The following EFHC1 variants were observed in gnomAD, a reference collection of about 807,000 sequenced individuals.
The protein encoded by EFHC1 is EF-hand domain-containing protein 1.
In EFHC1, 53 loss-of-function variants were observed where a neutral mutation model predicts 69.9. The observed-to-expected ratio is 0.76, with a 90% CI of 0.61 to 0.95. The LOEUF (loss-of-function observed/expected upper bound fraction) is 0.95. Among genes scored for constraint, EFHC1 ranks in the 40% least tolerant of loss-of-function variants. EFHC1 has a pLI of 0.00. For missense variants in EFHC1, 739 were observed against 798.7 expected, an observed-to-expected ratio of 0.93 and a Z score of 0.90; for synonymous variants, 256 against 278.4, an observed-to-expected ratio of 0.92 and a Z score of 0.80.
At chr6:52,430,115 T>C (rs1000318518) in intron 2 of EFHC1, 1 of 152,062 alleles carries the variant, frequency 6.6e-6, no homozygotes, top group Non-Finnish European at 1.5e-5. Flanking sequence ...TCTGGAGGAG[T>C]CTTTAGGATT....
intron 10 of EFHC1, 70 bp from the exon 11 acceptor site, chr6:52,492,200 C>T (rs531845590): frequency 3.7e-6 from 5 of 1,340,882 alleles, no homozygotes; most frequent in South Asian, 2.4e-5. Context: ...TATGCATAAG[C>T]GCACTCTGCA....
intron 3 of EFHC1, among the ~76,000 whole-genome samples, chr6:52,446,205 G>T (rs1488074120): frequency 6.6e-6 from 1 of 152,152 alleles, no homozygotes; most frequent in Non-Finnish European, 1.5e-5. Flanking sequence ...AAGTCTCTTT[G>T]TATGTCACTA....
At position 52,480,684 on chromosome 6, in the gene EFHC1, G is replaced by A. The variant is rs559459505; in HGVS notation, c.1640+897G>A. 1.4e-4 allele frequency among the ~76,000 whole-genome samples: 21 copies of A among 152,252 alleles called. No homozygotes were observed. The East Asian group carries it at 4.0e-3, about 29-fold the overall frequency. ...GAGGTGACAATGAACAAACACTTGA[G>A]GGGAGTTAGCTGGGTGGATTTCTGG... On this transcript the variant is annotated intron_variant, in intron 9 of 10. Transcript: ENST00000371068.
chr6:52,450,268 AACGTAT>A (rs1014747951), intron 3 of EFHC1, among the ~76,000 whole-genome samples: 10 of 152,222 alleles, frequency 6.6e-5, no homozygotes, highest in Non-Finnish European at 1.5e-4. Flanking sequence ...TGATGAGAAT[AACGTAT>A]ACTCTGTTGT....
intron 4 of EFHC1, 171 bp from the exon 5 acceptor site, chr6:52,453,924 A>T: frequency 6.7e-7 from 1 of 1,483,198 alleles, no homozygotes; most frequent in Non-Finnish European, 9.0e-7. Context: ...ATAATTTCAG[A>T]TGTTTTAGTA....
intron 2 of EFHC1, among the ~76,000 whole-genome samples, chr6:52,433,002 A>G (rs1451467971): frequency 6.6e-6 from 1 of 151,722 alleles, no homozygotes; most frequent in East Asian, 1.9e-4. Flanking sequence ...AGCAGTTTGC[A>G]TTTCTATAAG....
Position 52,494,316 on chromosome 6 carries a change from C to T in EFHC1, c.*1975C>T. 1 of 454,122 alleles carries T rather than the reference C, an allele frequency of 2.2e-6. No individual in the cohort carries two copies. Among genetic ancestry groups the T allele is most frequent in the Non-Finnish European group, 4.4e-6 (1 of 226,788 alleles). The allele number at this position is 454,122 out of a possible 1,614,324, so 28.1% of individuals were successfully genotyped here. A position where few individuals can be genotyped will look rare whatever the true frequency, so the allele number is the denominator to read the frequency against. On this transcript the variant is annotated 3_prime_UTR_variant, in exon 11 of 11. Transcript: ENST00000371068. ...ACTTGGCCCAGCTCAGTCCTTCCCC[C>T]AGGCTTAGAAGCCTGTGGTAAAGAG...
intron 2 of EFHC1, among the ~76,000 whole-genome samples, chr6:52,426,256 C>A (rs1330607482): frequency 6.6e-6 from 1 of 152,172 alleles, no homozygotes; most frequent in African/African-American, 2.4e-5. Flanking sequence ...CCAGTGCTGT[C>A]CTTTTACCAG....
At chr6:52,478,988 T>G (rs771676917) in intron 7 of EFHC1, 49 bp from the exon 8 acceptor site, 2 of 1,580,880 alleles carry the variant, frequency 1.3e-6, no homozygotes, top group Middle Eastern at 2.2e-4. Flanking sequence ...TTGGCACATC[T>G]GCATAGACCA....
intron 7 of EFHC1, among the ~76,000 whole-genome samples, chr6:52,476,810 G>A (rs1215425644): frequency 6.6e-6 from 1 of 152,200 alleles, no homozygotes; most frequent in East Asian, 1.9e-4. Flanking sequence ...TAAATGCAAT[G>A]TGGGATCCTG....
Position 52,495,820 on chromosome 6 carries a change from T to C in EFHC1, c.*3479T>C. The C allele has an allele frequency of 5.7e-6, 2 of 352,326 alleles. No individual in the cohort carries two copies. The highest frequency in any genetic ancestry group is 1.1e-5 in the Non-Finnish European group (2 of 179,644). 21.8% of individuals were successfully genotyped at this position (352,326 alleles called of 1,614,324 possible). ...CCACTTCTTGCCTTGCATCTCCTTT[T>C]AAGTTTACTTAAGACTGAGAAGCTG... On this transcript the variant is annotated 3_prime_UTR_variant, in exon 11 of 11. Coordinates refer to ENST00000371068, the MANE Select transcript of EFHC1 (RefSeq NM_018100.4).
In EFHC1 at chr6:52,453,979, A is replaced by G. The variant is rs756211389; in HGVS notation, c.724-116A>G. On this transcript the variant is annotated intron_variant, in intron 4 of 10. Coordinates refer to ENST00000371068, the MANE Select transcript of EFHC1 (RefSeq NM_018100.4). ...TTTTTTTCAATTTACCCCATCTGAA[A>G]TTACTTCATAGTCTTTCCAGCTAGT... 8 of 1,580,336 alleles carry G rather than the reference A, an allele frequency of 5.1e-6. No homozygotes were observed. The East Asian group carries it at 1.6e-4, about 32-fold the overall frequency.
chr6:52,424,166 A>C lies in EFHC1; in HGVS notation c.284A>C (p.Lys95Thr). 4 of 1,613,804 alleles carry C rather than the reference A, an allele frequency of 2.5e-6. No individual in the cohort carries two copies. The highest frequency in any genetic ancestry group is 3.4e-6 in the Non-Finnish European group (4 of 1,179,820). ...FIPAHVAFDK[K>T]VLKFDAYFQE... is the part of the protein sequence containing the mutation. ...CCTGCGCATGTGGCCTTTGACAAAA[A>C]GGTATCATCTGGAATTTTAGGGTAC... The change falls in exon 2 of 11, where the codon AAG (lysine) becomes ACG (threonine). Residue 95 changes from lysine (K) to threonine (T), a missense_variant and splice_region_variant. Lys to Thr is a moderately conservative substitution (Grantham distance 78). Transcript: ENST00000371068.
At chr6:52,423,787 C>G in intron 1 of EFHC1, 159 bp from the exon 2 acceptor site, 1 of 1,528,856 alleles carries the variant, frequency 6.5e-7, no homozygotes, top group Non-Finnish European at 8.7e-7. Flanking sequence ...ATTATAGGCA[C>G]GAGCCACCAT....
chr6:52,493,214 C>T lies in EFHC1; in HGVS notation c.*873C>T, dbSNP rs1318309274. On this transcript the variant is annotated 3_prime_UTR_variant, in exon 11 of 11. Coordinates refer to ENST00000371068, the MANE Select transcript of EFHC1 (RefSeq NM_018100.4). ...AGACTGGACCTAAACCATCAGCTCT[C>T]CTAAGTCATAGGCCTTTGGATTCAG... The T allele has an allele frequency of 4.4e-6, 2 of 453,386 alleles. No individual in the cohort carries two copies. The highest frequency in any genetic ancestry group is 2.0e-5 in the African/African-American group (1 of 49,764). The allele number at this position is 453,386 out of a possible 1,614,324, so 28.1% of individuals were successfully genotyped here.
chr6:52,429,930 G>A (rs1411493911), intron 2 of EFHC1: 1 of 151,926 alleles, frequency 6.6e-6, no homozygotes, highest in Non-Finnish European at 1.5e-5. Flanking sequence ...CCTTGGTTAT[G>A]TATATTTCTA....
intron 3 of EFHC1, among the ~76,000 whole-genome samples, chr6:52,444,079 GCTCT>G (rs974386663): frequency 3.4e-4 from 51 of 152,212 alleles, no homozygotes; most frequent in African/African-American, 1.1e-3. Context: ...TCATGATTTG[GCTCT>G]CTGTTTGTCT....
rs1562442175 is a variant in EFHC1 at position 52,424,054 on chromosome 6, T to G, written c.172T>G (p.Ser58Ala). The G allele has an allele frequency of 3.7e-6, 6 of 1,614,128 alleles. No homozygotes were observed. Among genetic ancestry groups the G allele is most frequent in the Non-Finnish European group, 4.2e-6 (5 of 1,180,026 alleles). The change falls in exon 2 of 11, where the codon TCC becomes GCC. Residue 58 changes from serine to alanine, a missense_variant. Transcript: ENST00000371068. ...AGACCGGCTCCAGTTCAACCAGCTG[T>G]CCCAGGCTGAGCTGGATGAGTTGGC... ...GGDRLQFNQLSQAELDELASK... is the reference protein window; with the variant it reads ...GGDRLQFNQLAQAELDELASK...
In EFHC1 at chr6:52,492,977, G is replaced by A; in HGVS notation, c.*636G>A. The A allele has an allele frequency of 2.2e-6, 1 of 454,072 alleles. No homozygotes were observed. 28.1% of individuals were successfully genotyped at this position (454,072 alleles called of 1,614,324 possible). A position where few individuals can be genotyped will look rare whatever the true frequency, so the allele number is the denominator to read the frequency against. On this transcript the variant is annotated 3_prime_UTR_variant, in exon 11 of 11. Coordinates refer to ENST00000371068, the MANE Select transcript of EFHC1 (RefSeq NM_018100.4). ...GTATTTTTCGATGAGATAAACATTT[G>A]AATCAGAAGACTAAGTAAAACAGAT...
Sources: allele counts gnomAD v4.1 joint callset (sites outside exome capture counted in the v4.1 genomes callset), GRCh38; gene constraint gnomAD v4.1.1; transcripts MANE v1.5; gene names NCBI Gene and HGNC (gene_info 2026-07-23, HGNC 2026-07-21).